The following DCP1B variants were observed in gnomAD, a reference collection of about 807,000 sequenced individuals.
DCP1B encodes decapping mRNA 1B.
In DCP1B, 47 loss-of-function variants were observed where a neutral mutation model predicts 60.5. That is an observed-to-expected ratio of 0.78 (90% confidence interval 0.61 to 0.99). DCP1B has a LOEUF of 0.99. Among genes scored for constraint, DCP1B ranks in the 50% least tolerant of loss-of-function variants. DCP1B has a pLI of 0.00. For missense variants in DCP1B, 725 were observed against 756.8 expected, an observed-to-expected ratio of 0.96 and a Z score of 0.49; for synonymous variants, 267 against 280.3, an observed-to-expected ratio of 0.95 and a Z score of 0.47.
At chr12:1,975,858 C>G (rs2154460837) in intron 3 of DCP1B, among the ~76,000 whole-genome samples, 1 of 152,254 alleles carries the variant, frequency 6.6e-6, no homozygotes, top group South Asian at 2.1e-4. Context: ...TGAAGGTTCT[C>G]TCCGTGAGTC....
chr12:1,952,869 C>T lies in DCP1B; in HGVS notation c.1071G>A (p.Glu357=). ...QNASRTQNLF[E]KLQSTPGAAN... ...CTGCCCCTGGGGTACTCTGAAGTTT[C>T]TCGAACAGGTTCTGAGTTCTGGAAG... Residue 357 remains glutamate (E), a synonymous_variant, in exon 7 of 9, where the codon GAG becomes GAA. Transcript: ENST00000280665. 6.2e-7 allele frequency: 1 copy of T among 1,614,162 alleles called. No individual in the cohort carries two copies. Among genetic ancestry groups the T allele is most frequent in the Non-Finnish European group, 8.5e-7 (1 of 1,180,028 alleles).
chr12:1,950,849 T>C (rs771968788), intron 7 of DCP1B, among the ~76,000 whole-genome samples: 1 of 152,206 alleles, frequency 6.6e-6, no homozygotes. Context: ...ACAGGGTCTA[T>C]GTTGCCCAGG....
At chr12:2,003,541 G>C (rs1015473931) in intron 1 of DCP1B, among the ~76,000 whole-genome samples, 1 of 152,204 alleles carries the variant, frequency 6.6e-6, no homozygotes, top group African/African-American at 2.4e-5. Flanking sequence ...CAGGATTCCA[G>C]TGTTCTAGGC....
In DCP1B at chr12:1,948,334, C is replaced by T. The variant is rs921567266; in HGVS notation, c.1773+752G>A. 6.6e-6 allele frequency among the ~76,000 whole-genome samples: 1 copy of T among 152,160 alleles called. No individual in the cohort carries two copies. Among genetic ancestry groups the T allele is most frequent in the Non-Finnish European group, 1.5e-5 (1 of 68,030 alleles). On this transcript the variant is annotated intron_variant, in intron 8 of 8. Coordinates refer to ENST00000280665, the MANE Select transcript of DCP1B (RefSeq NM_152640.5). The surrounding 1 kb of genome is among the most constrained non-coding windows in gnomAD (Gnocchi z 4.8). ...ACTCGGGGGCCAGGCTGGGTGCATC[C>T]CAGCCCTGCTTATGTACGAGCTCCG... is the stretch of plus-strand genomic sequence containing the variant.
intron 6 of DCP1B, 49 bp from the exon 7 acceptor site, chr12:1,953,337 T>C (rs776185793): frequency 4.6e-6 from 7 of 1,506,688 alleles, no homozygotes; most frequent in Non-Finnish European, 6.2e-6. Flanking sequence ...AATTTGGTTA[T>C]ATGAGGAAGT....
intron 2 of DCP1B, among the ~76,000 whole-genome samples, chr12:1,996,616 TAAAAAAAAAAAAA>T (rs78563698): frequency 5.3e-4 from 10 of 18,840 alleles, no homozygotes; most frequent in Admixed American, 8.1e-4. Context: ...GCTGATGAGC[TAAAAAAAAAAAAA>T]AAAAAAAAAA....
At chr12:1,957,063 C>T (rs2030909991) in intron 5 of DCP1B, among the ~76,000 whole-genome samples, 1 of 152,204 alleles carries the variant, frequency 6.6e-6, no homozygotes, top group South Asian at 2.1e-4. Context: ...TTTTATGTAA[C>T]AATTGCTCCC....
At position 1,949,230 on chromosome 12, in the gene DCP1B, G is replaced by A. The variant is rs149253407; in HGVS notation, c.1629C>T (p.Ser543=). ...CCTGGCCTCCCACAGGCAAGAGGCCGCTCTCCCTTTCCTTTGGCGGGACGG... is the reference window on the plus strand; with the variant it reads ...CCTGGCCTCCCACAGGCAAGAGGCCACTCTCCCTTTCCTTTGGCGGGACGG... ...PTSVPPKERE[S]GLLPVGGQEP... The change falls in exon 8 of 9, where the codon AGC becomes AGT. Residue 543 remains serine, a synonymous_variant. Coordinates refer to ENST00000280665, the MANE Select transcript of DCP1B (RefSeq NM_152640.5). 183 of 1,614,166 alleles carry A rather than the reference G, an allele frequency of 1.1e-4. 1 individual carries two copies. In the Middle Eastern group the frequency reaches 2.6e-3, roughly 23 times the overall value.
Position 1,971,286 on chromosome 12 carries a change from T to C in DCP1B, c.320-3376A>G, listed in dbSNP as rs1258808588. The C allele has an allele frequency of 1.4e-6, 1 of 722,002 alleles. No homozygotes were observed. The highest frequency in any genetic ancestry group is 1.8e-5 in the African/African-American group (1 of 54,364). 44.7% of individuals were successfully genotyped at this position (722,002 alleles called of 1,614,324 possible). A position where few individuals can be genotyped will look rare whatever the true frequency, so the allele number is the denominator to read the frequency against. On this transcript the variant is annotated intron_variant, in intron 3 of 8. Coordinates refer to ENST00000280665, the MANE Select transcript of DCP1B (RefSeq NM_152640.5). The surrounding 1 kb of genome is among the most constrained non-coding windows in gnomAD (Gnocchi z 4.2). Reference sequence around the variant, plus strand: ...ATCCTAATGATACCTAGAATGTGACTTCCTCACTCTAAGAACTCATCTCTC... The same window carrying C: ...ATCCTAATGATACCTAGAATGTGACCTCCTCACTCTAAGAACTCATCTCTC...
chr12:1,956,003 A>G (rs527835582), intron 5 of DCP1B, among the ~76,000 whole-genome samples: 8 of 152,332 alleles, frequency 5.3e-5, no homozygotes, highest in African/African-American at 1.7e-4. Flanking sequence ...AAGTAACTAA[A>G]TCTTTTTTGG....
At chr12:1,955,342 A>C (rs2030843769) in intron 6 of DCP1B, 90 bp downstream of exon 6, 5 of 1,411,444 alleles carry the variant, frequency 3.5e-6, no homozygotes, top group South Asian at 3.5e-5. Context: ...TTCTTCAACA[A>C]CACCAGGCCC....
chr12:1,956,933 T>C (rs2030906333), intron 5 of DCP1B, among the ~76,000 whole-genome samples: 1 of 152,232 alleles, frequency 6.6e-6, no homozygotes, highest in South Asian at 2.1e-4. Context: ...CATATCCATA[T>C]GGGCTAACAG....
chr12:1,989,269 A>T (rs11062045), intron 3 of DCP1B, among the ~76,000 whole-genome samples: 24,489 of 152,182 alleles, frequency 0.16, 2,086 homozygotes, highest in Admixed American at 0.2. Flanking sequence ...CCAGGAGTTC[A>T]AGGTTGCAAT....
At chr12:1,964,486 G>T (rs1330686026) in intron 5 of DCP1B, among the ~76,000 whole-genome samples, 3 of 151,836 alleles carry the variant, frequency 2.0e-5, no homozygotes, top group African/African-American at 7.3e-5. Context: ...AGGCATAATT[G>T]AAAGATTTCT....
rs74059680 is a variant in DCP1B at position 1,961,765 on chromosome 12, T to C, written c.522+3793A>G. 2.0e-3 allele frequency among the ~76,000 whole-genome samples: 310 copies of C among 152,298 alleles called. 1 individual carries two copies. Among genetic ancestry groups the C allele is most frequent in the African/African-American group, 7.3e-3 (303 of 41,566 alleles). On this transcript the variant is annotated intron_variant, in intron 5 of 8. Coordinates refer to ENST00000280665, the MANE Select transcript of DCP1B (RefSeq NM_152640.5). ...CATTTTTACTAAGCCTTAAAGGATA[T>C]GTAAATTCTGAAGGGTAAATAAAGT... is the stretch of plus-strand genomic sequence containing the variant.
intron 5 of DCP1B, among the ~76,000 whole-genome samples, chr12:1,958,563 A>T: frequency 8.2e-6 from 1 of 121,250 alleles, no homozygotes; most frequent in South Asian, 3.1e-4. Flanking sequence ...CTCCTGGAAG[A>T]AGACAGGGGA....
intron 3 of DCP1B, among the ~76,000 whole-genome samples, chr12:1,969,982 C>A (rs1310979474): frequency 6.6e-6 from 1 of 152,016 alleles, no homozygotes; most frequent in Non-Finnish European, 1.5e-5. Flanking sequence ...ACACGAGGCC[C>A]AATGGCAGAG....
At chr12:1,998,010 T>G (rs754019929) in intron 1 of DCP1B, 35 bp from the exon 2 acceptor site, 1 of 1,578,590 alleles carries the variant, frequency 6.3e-7, no homozygotes, top group East Asian at 2.3e-5. Context: ...AAGACATGTA[T>G]GTTCTCTTCA....
At chr12:1,985,084 A>G (rs1342504122) in intron 3 of DCP1B, among the ~76,000 whole-genome samples, 1 of 151,598 alleles carries the variant, frequency 6.6e-6, no homozygotes, top group Non-Finnish European at 1.5e-5. Flanking sequence ...TGTGACTGTC[A>G]TGTCATGGGC....
Sources: gnomAD v4.1 joint callset for allele counts (sites outside exome capture counted in the v4.1 genomes callset) on GRCh38, gnomAD v4.1.1 for gene constraint, Gnocchi (gnomAD v3.1) non-coding constraint, MANE v1.5 for transcripts, NCBI Gene and HGNC (gene_info 2026-07-23, HGNC 2026-07-21) for gene names.